HLCS: variants seen among roughly 807,000 people sequenced by gnomAD.
HLCS encodes holocarboxylase synthetase.
Under a neutral mutation model 75.0 loss-of-function variants are expected in HLCS, and 53 were observed. The observed-to-expected ratio is 0.71, with a 90% CI of 0.57 to 0.89. HLCS has a LOEUF of 0.89. Among genes scored for constraint, HLCS ranks in the 40% least tolerant of loss-of-function variants. The probability of loss-of-function intolerance (pLI) is 0.00; values close to 1 mark genes in which losing one functional copy is unlikely to be tolerated. For missense variants in HLCS, 966 were observed against 1,074.0 expected (o/e 0.90, Z 1.41); for synonymous variants, 431 against 428.6 (o/e 1.01, Z -0.07).
chr21:36,817,513 T>A (rs1381993856), intron 6 of HLCS, among the ~76,000 whole-genome samples: 2 of 152,100 alleles, frequency 1.3e-5, no homozygotes, highest in Non-Finnish European at 1.5e-5. Context: ...CACTCACCTA[T>A]CCTCCACCCA....
At chr21:36,831,506 C>A (rs1425037195) in intron 6 of HLCS, among the ~76,000 whole-genome samples, 1 of 152,076 alleles carries the variant, frequency 6.6e-6, no homozygotes, top group East Asian at 1.9e-4. Context: ...ATGGTGAAAC[C>A]CTGTCTCTAC....
chr21:36,853,766 C>T (rs191999868), intron 6 of HLCS, among the ~76,000 whole-genome samples: 4 of 152,240 alleles, frequency 2.6e-5, no homozygotes, highest in Admixed American at 6.5e-5. Context: ...GAGGACCTAA[C>T]TGAGTTATTA....
intron 6 of HLCS, among the ~76,000 whole-genome samples, chr21:36,811,239 A>G (rs1398801050): frequency 2.6e-5 from 4 of 152,264 alleles, no homozygotes; most frequent in Admixed American, 2.6e-4. Context: ...TTCTACCCAG[A>G]AACAGCACAC....
chr21:36,946,129 T>A (rs2067381057), intron 2 of HLCS: 17 of 984,796 alleles, frequency 1.7e-5, no homozygotes, highest in Non-Finnish European at 1.9e-5. Context: ...AGAAACCACA[T>A]CATCCCTAGT....
At chr21:36,871,912 A>C (rs1290016957) in intron 6 of HLCS, among the ~76,000 whole-genome samples, 1 of 152,232 alleles carries the variant, frequency 6.6e-6, no homozygotes, top group African/African-American at 2.4e-5. Context: ...GTTTTCAGGA[A>C]AATGCAGATT....
intron 6 of HLCS, among the ~76,000 whole-genome samples, chr21:36,773,011 A>G (rs1331770872): frequency 6.6e-6 from 1 of 151,524 alleles, no homozygotes; most frequent in East Asian, 1.9e-4. Context: ...GAAGTGTGGA[A>G]GTAGAATTAT....
chr21:36,795,941 T>C (rs1483864084), intron 6 of HLCS, among the ~76,000 whole-genome samples: 1 of 152,262 alleles, frequency 6.6e-6, no homozygotes, highest in Non-Finnish European at 1.5e-5. Flanking sequence ...GAAAAGCATC[T>C]TTTTAATTTA....
chr21:36,874,176 G>A (rs1251685909), intron 6 of HLCS, among the ~76,000 whole-genome samples: 1 of 151,830 alleles, frequency 6.6e-6, no homozygotes, highest in Non-Finnish European at 1.5e-5. Flanking sequence ...TTTCCCCATC[G>A]GATTGCTTTA....
intron 5 of HLCS, among the ~76,000 whole-genome samples, chr21:36,901,859 G>T (rs1276819351): frequency 1.3e-5 from 2 of 152,136 alleles, no homozygotes; most frequent in Non-Finnish European, 2.9e-5. Flanking sequence ...TATCTTTTTG[G>T]GGGACACAAC....
In HLCS at chr21:36,966,425, G is replaced by GGGCCGCCCC; in HGVS notation, c.195+18_195+19insGGGGCGGCC. On this transcript the variant is annotated intron_variant, in intron 1 of 10. Coordinates refer to ENST00000674895, the MANE Select transcript of HLCS (RefSeq NM_001352514.2). ...CCGGCTCGCGGGGCCCGGGTCGCCC[G>GGGCCGCCCC]CCCGCCCGACCCGCCCACCTGGCTG... 5.1e-6 allele frequency: 1 copy of GGGCCGCCCC among 195,440 alleles called. No individual in the cohort carries two copies. The highest frequency in any genetic ancestry group is 8.6e-6 in the Non-Finnish European group (1 of 116,692). 12.1% of individuals were successfully genotyped at this position (195,440 alleles called of 1,614,324 possible).
intron 6 of HLCS, among the ~76,000 whole-genome samples, chr21:36,770,080 C>T (rs931045695): frequency 2.7e-5 from 4 of 150,184 alleles, no homozygotes; most frequent in Admixed American, 6.7e-5. Flanking sequence ...TATATAGCAA[C>T]GTGGAAGAAA....
Position 36,750,755 on chromosome 21 carries a change from T to C in HLCS, c.*3491A>G, listed in dbSNP as rs564347342. 1 of 151,030 alleles carries C rather than the reference T, an allele frequency of 6.6e-6. No homozygotes were observed. Among genetic ancestry groups the C allele is most frequent in the East Asian group, 1.9e-4 (1 of 5,176 alleles). The allele number at this position is 151,030 out of a possible 1,614,324, so 9.4% of individuals were successfully genotyped here. Reference sequence around the variant, plus strand: ...ATGGCCCTTGTGTTATCTAGAATGCTAATTATTCAAGCTGTTCCTAAACTT... The same window carrying C: ...ATGGCCCTTGTGTTATCTAGAATGCCAATTATTCAAGCTGTTCCTAAACTT... On this transcript the variant is annotated 3_prime_UTR_variant, in exon 11 of 11. Coordinates refer to ENST00000674895, the MANE Select transcript of HLCS (RefSeq NM_001352514.2).
chr21:36,815,430 C>G (rs2061634748), intron 6 of HLCS, among the ~76,000 whole-genome samples: 1 of 152,148 alleles, frequency 6.6e-6, no homozygotes, highest in South Asian at 2.1e-4. Flanking sequence ...TACTGTCATC[C>G]ACACTAAGAC....
chr21:36,921,593 G>C (rs2066170459), intron 5 of HLCS, among the ~76,000 whole-genome samples: 1 of 152,204 alleles, frequency 6.6e-6, no homozygotes, highest in African/African-American at 2.4e-5. Flanking sequence ...AACTGACAAT[G>C]GTCCTATGAT....
chr21:36,906,063 AAC>A (rs1421352343), intron 5 of HLCS, among the ~76,000 whole-genome samples: 2 of 151,248 alleles, frequency 1.3e-5, no homozygotes, highest in Admixed American at 6.6e-5. Context: ...AAAAAAAAAA[AAC>A]AAAACAAAAA....
At chr21:36,754,491 T>C in intron 10 of HLCS, 74 bp from the exon 11 acceptor site, 2 of 1,490,566 alleles carry the variant, frequency 1.3e-6, no homozygotes, top group South Asian at 2.4e-5. Context: ...TGAAGAATAA[T>C]CCATGATGAG....
intron 1 of HLCS, among the ~76,000 whole-genome samples, chr21:36,985,269 C>T (rs1236202994): frequency 1.3e-5 from 2 of 152,258 alleles, no homozygotes; most frequent in Admixed American, 6.5e-5. Flanking sequence ...TGTCATTTAG[C>T]TGCCATGTCT....
rs1379810424 is a variant in HLCS at position 36,937,301 on chromosome 21, A to G, written c.585T>C (p.Ser195=). The G allele has an allele frequency of 1.2e-6, 2 of 1,613,994 alleles. No individual in the cohort carries two copies. Among genetic ancestry groups the G allele is most frequent in the East Asian group, 4.5e-5 (2 of 44,892 alleles). The part of the protein sequence containing the change: ...AQILEPKPEP[S]LEIKPEQDGM... Reference sequence around the variant, plus strand: ...CGTCCTGCTCAGGCTTAATCTCAAGAGAAGGTTCAGGCTTCGGCTCTAGGA... The same window carrying G: ...CGTCCTGCTCAGGCTTAATCTCAAGGGAAGGTTCAGGCTTCGGCTCTAGGA... The change falls in exon 4 of 11, where the codon TCT becomes TCC. Residue 195 remains serine (S), a synonymous_variant. Transcript: ENST00000674895.
At chr21:36,828,393 A>ATGAG (rs1310664891) in intron 6 of HLCS, among the ~76,000 whole-genome samples, 3 of 152,024 alleles carry the variant, frequency 2.0e-5, no homozygotes, top group Non-Finnish European at 4.4e-5. Flanking sequence ...GAATGAATGA[A>ATGAG]TGAATGAATG....
Sources: gnomAD v4.1 joint callset for allele counts (sites outside exome capture counted in the v4.1 genomes callset) on GRCh38, gnomAD v4.1.1 for gene constraint, MANE v1.5 for transcripts, NCBI Gene and HGNC (gene_info 2026-07-23, HGNC 2026-07-21) for gene names.